Variants in PDE4C observed in about 807,000 individuals in gnomAD.
PDE4C encodes the protein phosphodiesterase 4C, also known as 3',5'-cyclic-AMP phosphodiesterase 4C.
PDE4C carries 50 observed loss-of-function variants against 63.9 expected under a neutral mutation model. The ratio of observed to expected loss-of-function variants is 0.78; its 90% CI spans 0.62 to 0.99. PDE4C has a LOEUF of 0.99. Ranked by LOEUF, PDE4C falls within the 50% of genes least tolerant of loss-of-function variation. PDE4C has a pLI of 0.00. For synonymous variants in PDE4C, 377 were observed against 385.1 expected (o/e 0.98, Z 0.25); for missense variants, 777 against 899.1 (o/e 0.86, Z 1.74).
At chr19:18,240,425 C>CAAAA (rs35192077) in intron 1 of PDE4C, among the ~76,000 whole-genome samples, 34 of 114,316 alleles carry the variant, frequency 3.0e-4, no homozygotes, top group Middle Eastern at 5.1e-3. Flanking sequence ...GAAACTCTGT[C>CAAAA]AAAAAAAAAA....
chr19:18,208,502 G>C (rs1163352220), downstream of PDE4C: 8 of 49,292 alleles, frequency 1.6e-4, no homozygotes, highest in African/African-American at 6.6e-4. Context: ...AGCGCGCCCC[G>C]CCGTGTCTCC....
intron 1 of PDE4C, among the ~76,000 whole-genome samples, chr19:18,243,508 T>TG (rs11376361): frequency 0.76 from 114,810 of 152,036 alleles, 44,508 homozygotes; most frequent in African/African-American, 0.93. Flanking sequence ...TGGGGAAAAT[T>TG]GGGGGAAGCA....
chr19:18,241,255 G>GTTTTTTT (rs200717537), intron 1 of PDE4C, among the ~76,000 whole-genome samples: 8 of 78,512 alleles, frequency 1.0e-4, no homozygotes, highest in African/African-American at 1.5e-4. Flanking sequence ...TTCTTCTCTT[G>GTTTTTTT]TTTTTTTTTT....
intron 1 of PDE4C, chr19:18,248,082 G>A (rs1340622587): frequency 9.2e-6 from 4 of 435,106 alleles, no homozygotes; most frequent in African/African-American, 6.1e-5. Context: ...GGTTTCAGGG[G>A]GATTACGAGA....
Position 18,220,496 on chromosome 19 carries a change from C to T in PDE4C, c.519G>A (p.Leu173=), listed in dbSNP as rs199527025. The T allele has an allele frequency of 1.9e-6, 3 of 1,614,088 alleles. No homozygotes were observed. The Admixed American group carries it at 5.0e-5, about 27-fold the overall frequency. Reference sequence around the variant, plus strand: ...CCAGCTCGTCTAGCGTCTCCAATGCCAGCTTCTGCCCCGTGTCCTCTGGGA... The same window carrying T: ...CCAGCTCGTCTAGCGTCTCCAATGCTAGCTTCTGCCCCGTGTCCTCTGGGA... Residue 173 remains leucine, a synonymous_variant, in exon 6 of 15, where the codon CTG becomes CTA. Transcript: ENST00000262805. The surrounding 1 kb of genome is among the most constrained non-coding windows in gnomAD (Gnocchi z 5.1).
chr19:18,219,676 T>G, intron 7 of PDE4C: 1 of 343,472 alleles, frequency 2.9e-6, no homozygotes, highest in Non-Finnish European at 5.3e-6. Flanking sequence ...ATACAAAAAT[T>G]AGTCACGTAT....
At chr19:18,213,300 C>A (rs566045794) in intron 13 of PDE4C, 68 bp downstream of exon 13, 166 of 1,353,544 alleles carry the variant, frequency 1.2e-4, no homozygotes, top group African/African-American at 1.2e-3. Flanking sequence ...TAAATAAATA[C>A]ATAAATAAAT....
chr19:18,241,272 T>G (rs1214762730), intron 1 of PDE4C, among the ~76,000 whole-genome samples: 1 of 112,250 alleles, frequency 8.9e-6, no homozygotes, highest in Admixed American at 9.2e-5. Flanking sequence ...TTTTTTTTTT[T>G]TTTTTTTTTT....
intron 1 of PDE4C, chr19:18,224,335 G>A (rs900480674): frequency 5.1e-6 from 5 of 985,376 alleles, no homozygotes; most frequent in African/African-American, 3.5e-5. Flanking sequence ...GCCAGTGTCC[G>A]GCTGGTCCCG....
chr19:18,218,600 T>TGCTC, intron 9 of PDE4C, 102 bp from the exon 10 acceptor site: 1 of 1,320,070 alleles, frequency 7.6e-7, no homozygotes, highest in Non-Finnish European at 1.1e-6. Context: ...CTCAAGCACC[T>TGCTC]GCTCCTCTGA....
intron 8 of PDE4C, 93 bp downstream of exon 8, chr19:18,219,141 C>A: frequency 6.3e-7 from 1 of 1,590,112 alleles, no homozygotes; most frequent in Non-Finnish European, 8.6e-7. Flanking sequence ...CCCCAACTGC[C>A]CAGTATATAG....
At chr19:18,230,946 C>T (rs11670370), upstream of PDE4C, among the ~76,000 whole-genome samples, 40,603 of 152,168 alleles carry the variant, frequency 0.27, 5,580 homozygotes, top group Middle Eastern at 0.31. Flanking sequence ...CCTCCCATAC[C>T]CCTGTGATCC....
chr19:18,242,052 T>C (rs1969051089), intron 1 of PDE4C, among the ~76,000 whole-genome samples: 1 of 151,996 alleles, frequency 6.6e-6, no homozygotes, highest in African/African-American at 2.4e-5. Context: ...TCTGAGGAGG[T>C]GGCTTTGAGC....
upstream of PDE4C, among the ~76,000 whole-genome samples, chr19:18,237,665 G>T (rs1968974975): frequency 6.6e-6 from 1 of 151,748 alleles, no homozygotes; most frequent in South Asian, 2.1e-4. Context: ...GAGGTCAGGA[G>T]ATCAATACCA....
At chr19:18,252,251 G>A, upstream of PDE4C, 2 of 399,156 alleles carry the variant, frequency 5.0e-6, no homozygotes, top group Non-Finnish European at 8.8e-6. Flanking sequence ...GTGGGGAGGA[G>A]GGTATCATCC....
chr19:18,211,022 G>A, exon 15 of PDE4C: 2 of 1,614,174 alleles, frequency 1.2e-6, no homozygotes, highest in Non-Finnish European at 1.7e-6. Flanking sequence ...AGGCCTCTTT[G>A]GCTAAAGCTG....
At chr19:18,226,362 T>C in exon 1 of PDE4C, 1 of 1,509,430 alleles carries the variant, frequency 6.6e-7, no homozygotes, top group Non-Finnish European at 8.8e-7. Context: ...CGCGCGGGGA[T>C]CCCCGAGGGG....
At chr19:18,249,561 C>T (rs1969201135), upstream of PDE4C, among the ~76,000 whole-genome samples, 1 of 149,240 alleles carries the variant, frequency 6.7e-6, no homozygotes, top group African/African-American at 2.5e-5. Flanking sequence ...AGGTGTAAGC[C>T]ACTACGCCTG....
chr19:18,228,142 G>T (rs1968781264), upstream of PDE4C, among the ~76,000 whole-genome samples: 1 of 151,930 alleles, frequency 6.6e-6, no homozygotes, highest in African/African-American at 2.4e-5. Context: ...GCCTTGTGGG[G>T]ACACTGGAGC....
Sources: gnomAD v4.1 joint callset for allele counts (sites outside exome capture counted in the v4.1 genomes callset) on GRCh38, gnomAD v4.1.1 for gene constraint, Gnocchi (gnomAD v3.1) non-coding constraint, MANE v1.5 for transcripts, NCBI Gene and HGNC (gene_info 2026-07-23, HGNC 2026-07-21) for gene names.